Variants in SORBS2 observed in about 807,000 individuals in gnomAD.
SORBS2 encodes sorbin and SH3 domain-containing protein 2.
A neutral mutation model predicts 97.7 loss-of-function variants in SORBS2; 46 were observed. The observed-to-expected ratio is 0.47, with a 90% CI of 0.37 to 0.60. SORBS2 has a LOEUF of 0.60. SORBS2 is among the 20% of genes least tolerant of loss of function. SORBS2 has a pLI of 0.00. For synonymous variants in SORBS2, 476 were observed against 473.4 expected (o/e 1.01, Z -0.07); for missense variants, 1,316 against 1,282.3 (o/e 1.03, Z -0.40).
intron 2 of SORBS2, among the ~76,000 whole-genome samples, chr4:185,743,816 C>T (rs183048926): frequency 1.3e-5 from 2 of 150,302 alleles, no homozygotes; most frequent in African/African-American, 4.9e-5. Context: ...CCTCCTTCTT[C>T]CTCTTCTTCT....
intron 2 of SORBS2, chr4:185,740,076 A>G (rs73015593): frequency 2.3e-3 from 358 of 152,806 alleles, no homozygotes; most frequent in African/African-American, 8.4e-3. Context: ...ATGGCAAATC[A>G]GCATCGCGAT....
intron 2 of SORBS2, among the ~76,000 whole-genome samples, chr4:185,767,568 A>C (rs577908424): frequency 1.3e-5 from 2 of 152,008 alleles, no homozygotes; most frequent in Admixed American, 6.5e-5. Context: ...ATAAAAACAC[A>C]ACCTTTCATC....
chr4:185,680,582 C>A (rs1163465859), intron 2 of SORBS2, among the ~76,000 whole-genome samples: 1 of 152,114 alleles, frequency 6.6e-6, no homozygotes, highest in African/African-American at 2.4e-5. Flanking sequence ...AAAAGAGAAG[C>A]AGCATTAATA....
intron 1 of SORBS2, among the ~76,000 whole-genome samples, chr4:185,909,026 A>C (rs2099253325): frequency 2.0e-5 from 3 of 152,112 alleles, no homozygotes; most frequent in Non-Finnish European, 4.4e-5. Context: ...ATTTGTATGA[A>C]TCCAACAATC....
intron 1 of SORBS2, among the ~76,000 whole-genome samples, chr4:185,858,853 C>T (rs1438437382): frequency 6.6e-6 from 1 of 152,192 alleles, no homozygotes; most frequent in African/African-American, 2.4e-5. Context: ...TCATTTATTT[C>T]TTGCAGTAAA....
At chr4:185,795,207 T>G (rs2099099212) in intron 1 of SORBS2, among the ~76,000 whole-genome samples, 1 of 152,202 alleles carries the variant, frequency 6.6e-6, no homozygotes, top group African/African-American at 2.4e-5. Context: ...CAAATTTATA[T>G]AGCAGATTCT....
intron 1 of SORBS2, among the ~76,000 whole-genome samples, chr4:185,783,507 G>A (rs1249107249): frequency 2.0e-5 from 3 of 152,140 alleles, no homozygotes; most frequent in Non-Finnish European, 2.9e-5. Flanking sequence ...TTTATGTATA[G>A]TATATTATAG....
At chr4:185,948,013 C>T (rs967931594) in intron 1 of SORBS2, among the ~76,000 whole-genome samples, 1 of 152,168 alleles carries the variant, frequency 6.6e-6, no homozygotes, top group African/African-American at 2.4e-5. Flanking sequence ...ATTATGAATT[C>T]TTAAAGAGGC....
intron 1 of SORBS2, among the ~76,000 whole-genome samples, chr4:185,952,999 A>G (rs2099277915): frequency 6.6e-6 from 1 of 152,112 alleles, no homozygotes; most frequent in Non-Finnish European, 1.5e-5. Context: ...GTGGGCATTT[A>G]TTAAGTTATG....
At chr4:185,708,667 C>T (rs1426235400) in intron 2 of SORBS2, among the ~76,000 whole-genome samples, 1 of 152,162 alleles carries the variant, frequency 6.6e-6, no homozygotes, top group Non-Finnish European at 1.5e-5. Context: ...CTCCGTGATG[C>T]CTGCCTCCAT....
intron 2 of SORBS2, among the ~76,000 whole-genome samples, chr4:185,751,244 A>G (rs561558068): frequency 9.5e-5 from 14 of 147,238 alleles, no homozygotes; most frequent in African/African-American, 3.5e-4. Context: ...GGTAAAGGAC[A>G]GGGACGAAAT....
chr4:185,935,994 GGT>G (rs1005841218), intron 1 of SORBS2, among the ~76,000 whole-genome samples: 2 of 152,170 alleles, frequency 1.3e-5, no homozygotes, highest in Non-Finnish European at 2.9e-5. Flanking sequence ...TGGGATTACA[GGT>G]GTGCACCACC....
exon 15 of SORBS2, chr4:185,586,790 T>C (rs2095805480): frequency 6.6e-6 from 1 of 152,634 alleles, no homozygotes; most frequent in African/African-American, 2.4e-5. Flanking sequence ...AATAAAACAC[T>C]AAGAGCTCAT....
intron 1 of SORBS2, among the ~76,000 whole-genome samples, chr4:185,838,318 C>T (rs887353669): frequency 4.6e-5 from 7 of 152,250 alleles, no homozygotes; most frequent in Admixed American, 1.3e-4. Context: ...CATCTCCTCA[C>T]GCTGTGGGTT....
chr4:185,878,849 C>T (rs2099235128), intron 1 of SORBS2, among the ~76,000 whole-genome samples: 1 of 152,188 alleles, frequency 6.6e-6, no homozygotes, highest in Admixed American at 6.5e-5. Context: ...CAGCAGCGTC[C>T]CCGTCCACCC....
At chr4:185,919,669 C>T (rs1579498009) in intron 1 of SORBS2, among the ~76,000 whole-genome samples, 2 of 152,324 alleles carry the variant, frequency 1.3e-5, no homozygotes, top group Non-Finnish European at 2.9e-5. Flanking sequence ...CAACTTGACA[C>T]ACACATGCAA....
rs572546629 is a variant in SORBS2, at chr4:185,762,724, AC to A, written c.-198+12502del. Among the ~76,000 whole-genome samples the A allele has an allele frequency of 2.2e-4, 34 of 152,336 alleles. No homozygotes were observed. In the South Asian group the frequency reaches 7.0e-3, roughly 32 times the overall value. ...TGGTTTCTCAGCTTTAGTAACAATG[AC>A]ATGAGAAAATTCAAAATTATTTTTT... On this transcript the variant is annotated intron_variant, in intron 2 of 20. Transcript: ENST00000284776.
At chr4:185,880,424 G>A (rs185604218) in intron 1 of SORBS2, among the ~76,000 whole-genome samples, 7 of 152,230 alleles carry the variant, frequency 4.6e-5, no homozygotes, top group Admixed American at 3.9e-4. Flanking sequence ...ACAAAACAAG[G>A]AATATTATGC....
In SORBS2 at chr4:185,777,007, A is replaced by G. The variant is rs145733490; in HGVS notation, c.-337-1641T>C. Among the ~76,000 whole-genome samples, 1,284 of 152,314 alleles carry G rather than the reference A, an allele frequency of 8.4e-3. 44 individuals carry two copies. The highest frequency in any genetic ancestry group is 0.068 in the Admixed American group (1,034 of 15,310). On this transcript the variant is annotated intron_variant, in intron 1 of 20. Coordinates refer to the SORBS2 transcript ENST00000284776. ...TCAATTCTTTCTTTGCCATTAAAGA[A>G]AGACACTGAAATAGATTATGGAAAA...
Sources: allele counts gnomAD v4.1 joint callset (sites outside exome capture counted in the v4.1 genomes callset), GRCh38; gene constraint gnomAD v4.1.1; transcripts MANE v1.5; gene names NCBI Gene and HGNC (gene_info 2026-07-23, HGNC 2026-07-21).